RFWD3: variants seen among roughly 807,000 people sequenced by gnomAD.
The protein encoded by RFWD3 is ring finger and WD repeat domain 3.
Under a neutral mutation model 87.7 loss-of-function variants are expected in RFWD3, and 65 were observed. That is an observed-to-expected ratio of 0.74 (90% confidence interval 0.61 to 0.91). The LOEUF (loss-of-function observed/expected upper bound fraction) is 0.91, where lower values mean the gene tolerates loss of function less well. RFWD3 is among the 40% of genes least tolerant of loss of function. RFWD3 has a pLI of 0.00. For missense variants in RFWD3, 1,078 were observed against 938.5 expected, an observed-to-expected ratio of 1.15 and a Z score of -1.94; for synonymous variants, 433 against 352.8, an observed-to-expected ratio of 1.23 and a Z score of -2.55.
Position 74,621,991 on chromosome 16 carries a change from T to C in RFWD3, c.*1937A>G, listed in dbSNP as rs1481782687. 1.3e-5 allele frequency: 2 copies of C among 152,334 alleles called. No individual in the cohort carries two copies. Among genetic ancestry groups the C allele is most frequent in the African/African-American group, 4.8e-5 (2 of 41,574 alleles). 9.4% of individuals were successfully genotyped at this position (152,334 alleles called of 1,614,324 possible). On this transcript the variant is annotated 3_prime_UTR_variant, in exon 13 of 13. Coordinates refer to ENST00000361070, the MANE Select transcript of RFWD3 (RefSeq NM_018124.4). The stretch of plus-strand genomic sequence containing the variant: ...AAAACATCCAAATTTAATGTACTAA[T>C]GCAAGGACTGGTAAGACTTAAGATT...
intron 2 of RFWD3, among the ~76,000 whole-genome samples, chr16:74,659,459 C>G (rs1337298098): frequency 6.6e-6 from 1 of 152,080 alleles, no homozygotes; most frequent in East Asian, 1.9e-4. Flanking sequence ...GCCAAGCCTG[C>G]TGGTGCACGC....
intron 2 of RFWD3, among the ~76,000 whole-genome samples, chr16:74,657,439 C>A (rs750083029): frequency 2.0e-5 from 3 of 151,530 alleles, no homozygotes; most frequent in Non-Finnish European, 2.9e-5. Flanking sequence ...GTGGTCCTTA[C>A]TCTGCCATTT....
At chr16:74,645,745 C>CTTTTTTTTTTTTTTTTTTTTTTTTT in intron 4 of RFWD3, among the ~76,000 whole-genome samples, 1 of 74,212 alleles carries the variant, frequency 1.3e-5, no homozygotes, top group Non-Finnish European at 2.3e-5. Context: ...CAAATATTTT[C>CTTTTTTTTTTTTTTTTTTTTTTTTT]TTTTTTTTTT....
At chr16:74,645,541 G>T (rs1208552833) in intron 4 of RFWD3, among the ~76,000 whole-genome samples, 2 of 152,118 alleles carry the variant, frequency 1.3e-5, no homozygotes, top group Non-Finnish European at 2.9e-5. Context: ...TAGCACAGTG[G>T]TGGGTTTCAC....
chr16:74,643,625 T>G (rs969864599), intron 6 of RFWD3, among the ~76,000 whole-genome samples: 1 of 151,936 alleles, frequency 6.6e-6, no homozygotes, highest in Non-Finnish European at 1.5e-5. Flanking sequence ...GTGTATGTTC[T>G]TTAATATTTT....
intron 11 of RFWD3, 60 bp downstream of exon 11, chr16:74,628,392 T>C: frequency 6.6e-7 from 1 of 1,525,366 alleles, no homozygotes; most frequent in South Asian, 1.1e-5. Context: ...CAAACCCTCC[T>C]TCCCTTTTCT....
intron 2 of RFWD3, among the ~76,000 whole-genome samples, chr16:74,657,398 T>G (rs1004230897): frequency 1.2e-4 from 18 of 152,194 alleles, no homozygotes; most frequent in African/African-American, 4.1e-4. Context: ...TTCTGCCAGT[T>G]GTTTCACTAC....
In RFWD3 at chr16:74,649,044, T is replaced by C. The variant is rs570117492; in HGVS notation, c.792+88A>G. The C allele has an allele frequency of 6.4e-6, 5 of 785,716 alleles. No individual in the cohort carries two copies. The East Asian group carries it at 1.8e-4, about 29-fold the overall frequency. 48.7% of individuals were successfully genotyped at this position (785,716 alleles called of 1,614,324 possible). On this transcript the variant is annotated intron_variant, in intron 4 of 12. Coordinates refer to ENST00000361070, the MANE Select transcript of RFWD3 (RefSeq NM_018124.4). ...CTGCAGTGAGTTATGACTGCACCAC[T>C]GCACTCTAGCCTGGGTGAGAGTGAG... is the stretch of plus-strand genomic sequence containing the variant.
intron 2 of RFWD3, among the ~76,000 whole-genome samples, chr16:74,658,176 T>C (rs1209977816): frequency 1.3e-5 from 2 of 152,160 alleles, no homozygotes; most frequent in Non-Finnish European, 2.9e-5. Flanking sequence ...CCTTCCCTAC[T>C]CTCTGTAGTC....
intron 3 of RFWD3, among the ~76,000 whole-genome samples, 195 bp downstream of exon 3, chr16:74,651,725 C>T (rs1783292323): frequency 6.6e-6 from 1 of 152,194 alleles, no homozygotes; most frequent in African/African-American, 2.4e-5. Flanking sequence ...TCACAAATTA[C>T]ATTAAGCTGT....
intron 1 of RFWD3, chr16:74,666,211 TAGATAGATA>T (rs1567591779): frequency 2.1e-4 from 32 of 151,152 alleles, no homozygotes; most frequent in East Asian, 1.2e-3. Context: ...GATAGATAGA[TAGATAGATA>T]GATTGATTAG....
chr16:74,626,504 G>T lies in RFWD3; in HGVS notation c.2020C>A (p.Leu674Met). Reference protein sequence around the residue: ...RSVLMEMSYRLDDTGNPICSC... With the variant: ...RSVLMEMSYRMDDTGNPICSC... The stretch of plus-strand genomic sequence containing the variant: ...CAGATTGGATTTCCAGTGTCATCCA[G>T]TCGGTAGGACATTTCCATCAGCACA... The change falls in exon 12 of 13, where the codon CTG becomes ATG. Residue 674 changes from leucine to methionine, a missense_variant. Transcript: ENST00000361070. The T allele has an allele frequency of 6.2e-7, 1 of 1,614,122 alleles. No homozygotes were observed. The highest frequency in any genetic ancestry group is 1.6e-4 in the Middle Eastern group (1 of 6,062).
At chr16:74,647,449 G>C (rs574849626) in intron 4 of RFWD3, among the ~76,000 whole-genome samples, 2 of 151,894 alleles carry the variant, frequency 1.3e-5, no homozygotes, top group Non-Finnish European at 2.9e-5. Flanking sequence ...CACCATATCC[G>C]GCTAATTTTT....
intron 2 of RFWD3, among the ~76,000 whole-genome samples, chr16:74,657,786 T>C (rs1961114321): frequency 6.6e-6 from 1 of 152,170 alleles, no homozygotes; most frequent in Admixed American, 6.6e-5. Flanking sequence ...GTTTTCTTTT[T>C]AGACAGTGCT....
intron 7 of RFWD3, among the ~76,000 whole-genome samples, chr16:74,637,375 C>T (rs1959235262): frequency 6.6e-6 from 1 of 152,050 alleles, no homozygotes; most frequent in African/African-American, 2.4e-5. Context: ...GCCTGTAATC[C>T]CAGCACTTTG....
chr16:74,647,974 A>T (rs1402133743), intron 4 of RFWD3, among the ~76,000 whole-genome samples: 1 of 151,996 alleles, frequency 6.6e-6, no homozygotes, highest in Non-Finnish European at 1.5e-5. Context: ...TTATTGAGAC[A>T]GGGTCTCACT....
chr16:74,637,724 A>T, intron 7 of RFWD3, 132 bp downstream of exon 7: 1 of 617,988 alleles, frequency 1.6e-6, no homozygotes, highest in Admixed American at 2.6e-5. Flanking sequence ...GAAATAAAAT[A>T]AGGAGTTGGT....
At position 74,656,308 on chromosome 16, in the gene RFWD3, CAA is replaced by C. The variant is rs71158534; in HGVS notation, c.519-4188_519-4187del. Among the ~76,000 whole-genome samples the C allele has an allele frequency of 1.2e-3, 76 of 64,224 alleles. 2 individuals are homozygous for C. Among genetic ancestry groups the C allele is most frequent in the African/African-American group, 4.7e-3 (62 of 13,212 alleles). The allele number at this position is 64,224 out of a possible 152,430, so 42.1% of individuals were successfully genotyped here. A position where few individuals can be genotyped will look rare whatever the true frequency, so the allele number is the denominator to read the frequency against. ...GCAACAGAGTGAGACCTTGTCTTGC[CAA>C]AAAAAAAAAAAAAAAAAAAAAGAAA... is the stretch of plus-strand genomic sequence containing the variant. On this transcript the variant is annotated intron_variant, in intron 2 of 12. Coordinates refer to ENST00000361070, the MANE Select transcript of RFWD3 (RefSeq NM_018124.4).
chr16:74,665,930 T>G (rs1014846610), intron 1 of RFWD3, among the ~76,000 whole-genome samples: 1 of 152,040 alleles, frequency 6.6e-6, no homozygotes, highest in Non-Finnish European at 1.5e-5. Flanking sequence ...ACTCCTGGCC[T>G]CAGGTGATCC....
Sources: gnomAD v4.1 joint callset for allele counts (sites outside exome capture counted in the v4.1 genomes callset) on GRCh38, gnomAD v4.1.1 for gene constraint, MANE v1.5 for transcripts, NCBI Gene and HGNC (gene_info 2026-07-23, HGNC 2026-07-21) for gene names.